Variants in DGKG observed in about 807,000 individuals in gnomAD.
DGKG encodes the protein DAG kinase gamma.
A neutral mutation model predicts 105.3 loss-of-function variants in DGKG; 78 were observed. The ratio of observed to expected loss-of-function variants is 0.74; its 90% CI spans 0.62 to 0.89. The LOEUF (loss-of-function observed/expected upper bound fraction) is 0.89. Among genes scored for constraint, DGKG ranks in the 40% least tolerant of loss-of-function variants. The pLI is 0.00. For synonymous variants in DGKG, 346 were observed against 367.1 expected, an observed-to-expected ratio of 0.94 and a Z score of 0.66; for missense variants, 958 against 1,020.1, an observed-to-expected ratio of 0.94 and a Z score of 0.83.
chr3:186,295,638 T>TAA (rs34829528), intron 5 of DGKG, among the ~76,000 whole-genome samples: 23,555 of 84,006 alleles, frequency 0.28, 3,802 homozygotes, highest in East Asian at 0.41. Context: ...TAATGCACAG[T>TAA]AAAAAAAAAA....
At position 186,251,551 on chromosome 3, in the gene DGKG, A is replaced by T. The variant is rs1721227073; in HGVS notation, c.1761+208T>A. On this transcript the variant is annotated intron_variant, in intron 19 of 24. Coordinates refer to ENST00000265022, the MANE Select transcript of DGKG (RefSeq NM_001346.3). ...GTTAAAATGACAGAGGAGAGAATTTACTCCCTAAGCAAGAGATGGGGAATA... is the reference window on the plus strand; with the variant it reads ...GTTAAAATGACAGAGGAGAGAATTTTCTCCCTAAGCAAGAGATGGGGAATA... Among the ~76,000 whole-genome samples, 3 of 152,152 alleles carry T rather than the reference A, an allele frequency of 2.0e-5. No homozygotes were observed. The South Asian group carries it at 6.2e-4, about 32-fold the overall frequency.
intron 4 of DGKG, 37 bp from the exon 5 acceptor site, chr3:186,297,520 G>A (rs1380477330): frequency 6.8e-7 from 1 of 1,476,142 alleles, no homozygotes; most frequent in Non-Finnish European, 9.5e-7. Context: ...ACCAACCCAG[G>A]CCCTCTAGCT....
Position 186,153,560 on chromosome 3 carries a change from G to A in DGKG, c.2278-3372C>T, listed in dbSNP as rs1207380221. On this transcript the variant is annotated intron_variant, in intron 24 of 24. Coordinates refer to ENST00000265022, the MANE Select transcript of DGKG (RefSeq NM_001346.3). Reference sequence around the variant, plus strand: ...ACACTAGACTCTTGCATGATAGTTCGAAGTTCACAAAACTATTACAGCATG... The same window carrying A: ...ACACTAGACTCTTGCATGATAGTTCAAAGTTCACAAAACTATTACAGCATG... Among the ~76,000 whole-genome samples, 3 of 152,276 alleles carry A rather than the reference G, an allele frequency of 2.0e-5. No individual in the cohort carries two copies. The South Asian group carries it at 6.2e-4, about 32-fold the overall frequency.
At position 186,161,720 on chromosome 3, in the gene DGKG, G is replaced by C. The variant is rs150593644; in HGVS notation, c.2217-57C>G. ...AGCTTTTTCAAGTGGGAGAATCAAG[G>C]TTATTCCCACCAGGAAAACAGAAGT... is the stretch of plus-strand genomic sequence containing the variant. On this transcript the variant is annotated intron_variant, in intron 23 of 24. Transcript: ENST00000265022. The C allele has an allele frequency of 8.0e-3, 12,906 of 1,612,932 alleles. 69 individuals are homozygous for C. The highest frequency in any genetic ancestry group is 0.016 in the Middle Eastern group (96 of 6,062).
At chr3:186,196,857 G>A (rs1718206179) in intron 21 of DGKG, among the ~76,000 whole-genome samples, 1 of 152,180 alleles carries the variant, frequency 6.6e-6, no homozygotes, top group Non-Finnish European at 1.5e-5. Flanking sequence ...GTCGGGTGGT[G>A]GTAGTGAGGG....
At position 186,361,605 on chromosome 3, in the gene DGKG, A is replaced by C. The variant is rs1196068507; in HGVS notation, c.-249+341T>G. ...AACTGGATATCAAGGAGCCAAGGTTAAGTCCAGAAGAAGAAGGAAATCCGA... is the reference window on the plus strand; with the variant it reads ...AACTGGATATCAAGGAGCCAAGGTTCAGTCCAGAAGAAGAAGGAAATCCGA... On this transcript the variant is annotated intron_variant, in intron 1 of 24. Transcript: ENST00000265022. This position sits in a 1 kb window ranked among gnomAD's most constrained non-coding sequence, Gnocchi z 6.8. Among the ~76,000 whole-genome samples the C allele has an allele frequency of 6.6e-6, 1 of 152,190 alleles. No individual in the cohort carries two copies. The highest frequency in any genetic ancestry group is 1.5e-5 in the Non-Finnish European group (1 of 68,026).
At chr3:186,257,079 T>A (rs890785780) in intron 17 of DGKG, among the ~76,000 whole-genome samples, 1 of 152,234 alleles carries the variant, frequency 6.6e-6, no homozygotes, top group African/African-American at 2.4e-5. Context: ...GGCAGCATTT[T>A]TGGGATGAAG....
intron 2 of DGKG, among the ~76,000 whole-genome samples, chr3:186,317,419 A>G (rs918803524): frequency 6.6e-6 from 1 of 151,744 alleles, no homozygotes; most frequent in Non-Finnish European, 1.5e-5. Flanking sequence ...ATCCCATCAC[A>G]CACCCTCCTG....
chr3:186,231,614 T>C lies in DGKG; in HGVS notation c.1826+10890A>G, dbSNP rs1249093467. Among the ~76,000 whole-genome samples the C allele has an allele frequency of 6.6e-6, 1 of 152,138 alleles. No individual in the cohort carries two copies. The highest frequency in any genetic ancestry group is 1.5e-5 in the Non-Finnish European group (1 of 68,016). ...ACTTTAATAAATGAGCTCATGGTTATTCATGCTTTAAAAACTATACTAGGC... is the reference window on the plus strand; with the variant it reads ...ACTTTAATAAATGAGCTCATGGTTACTCATGCTTTAAAAACTATACTAGGC... On this transcript the variant is annotated intron_variant, in intron 20 of 24. Transcript: ENST00000265022. The surrounding 1 kb of genome is among the most constrained non-coding windows in gnomAD (Gnocchi z 4.5).
rs114074950 is a variant in DGKG at position 186,254,967 on chromosome 3, G to A, written c.1511-1785C>T. On this transcript the variant is annotated intron_variant, in intron 17 of 24. Transcript: ENST00000265022. ...CTGCCTCCCACGCAACATGTCAACC[G>A]TTCTCAAGTGTTTTCACTTCCTTAA... 6.6e-3 allele frequency among the ~76,000 whole-genome samples: 1,003 copies of A among 152,272 alleles called. 12 individuals are homozygous for A. The highest frequency in any genetic ancestry group is 0.023 in the African/African-American group (944 of 41,560).
Position 186,328,991 on chromosome 3 carries a change from G to A in DGKG, c.-248-8284C>T, listed in dbSNP as rs185816858. On this transcript the variant is annotated intron_variant, in intron 1 of 24. Transcript: ENST00000265022. ...CTCTGCCTTCTGCCCTTTGATGAAG[G>A]TGACAGCTGACAGCCAGGAGGGCTT... is the stretch of plus-strand genomic sequence containing the variant. 9.2e-5 allele frequency among the ~76,000 whole-genome samples: 14 copies of A among 152,268 alleles called. No homozygotes were observed. The East Asian group carries it at 1.2e-3, about 13-fold the overall frequency.
chr3:186,187,865 C>T (rs1717718992), intron 22 of DGKG, among the ~76,000 whole-genome samples: 1 of 152,166 alleles, frequency 6.6e-6, no homozygotes, highest in Admixed American at 6.5e-5. Context: ...AGCTGGGTCA[C>T]ATGCCACTGA....
At chr3:186,206,584 C>T (rs965527292) in intron 21 of DGKG, among the ~76,000 whole-genome samples, 2 of 151,866 alleles carry the variant, frequency 1.3e-5, no homozygotes, top group African/African-American at 4.8e-5. Context: ...CTGTGTGCCT[C>T]CCTCGCCCCA....
intron 22 of DGKG, among the ~76,000 whole-genome samples, chr3:186,182,537 C>A (rs138212312): frequency 3.0e-3 from 463 of 152,288 alleles, no homozygotes; most frequent in Non-Finnish European, 5.2e-3. Flanking sequence ...AATTCTAGTT[C>A]AATGGTGAGT....
chr3:186,313,347 A>G (rs183505380), intron 2 of DGKG: 56 of 194,112 alleles, frequency 2.9e-4, no homozygotes, highest in Admixed American at 2.2e-3. Context: ...ATATAGAAGC[A>G]GAGGAAATTG....
chr3:186,300,802 C>A (rs570357142), intron 3 of DGKG, among the ~76,000 whole-genome samples: 140 of 152,208 alleles, frequency 9.2e-4, no homozygotes, highest in African/African-American at 3.3e-3. Context: ...AAACCAAAGC[C>A]AAAAGATCAT....
intron 6 of DGKG, among the ~76,000 whole-genome samples, chr3:186,285,097 A>C (rs1578776509): frequency 6.6e-6 from 1 of 152,236 alleles, no homozygotes; most frequent in South Asian, 2.1e-4. Context: ...GGCAGATTTA[A>C]ATCCTAGGAC....
chr3:186,192,643 C>T (rs1485307928), intron 21 of DGKG, among the ~76,000 whole-genome samples: 1 of 152,122 alleles, frequency 6.6e-6, no homozygotes, highest in Non-Finnish European at 1.5e-5. Context: ...AGCCAGGATG[C>T]AAACCTAGGA....
chr3:186,308,268 A>G (rs1044076436), intron 2 of DGKG, among the ~76,000 whole-genome samples: 1 of 152,130 alleles, frequency 6.6e-6, no homozygotes, highest in Non-Finnish European at 1.5e-5. Context: ...CAGAAAAGAG[A>G]CTCAATAATT....
Sources: allele counts gnomAD v4.1 joint callset (sites outside exome capture counted in the v4.1 genomes callset), GRCh38; gene constraint gnomAD v4.1.1; non-coding constraint Gnocchi (gnomAD v3.1); transcripts MANE v1.5; gene names NCBI Gene and HGNC (gene_info 2026-07-23, HGNC 2026-07-21).